Variants in CHL1 observed in about 807,000 individuals in gnomAD.
The protein encoded by CHL1 is cell adhesion molecule L1 like, also known as neural cell adhesion molecule L1-like protein.
Under a neutral mutation model 141.9 loss-of-function variants are expected in CHL1, and 96 were observed. That is an observed-to-expected ratio of 0.68 (90% CI 0.57 to 0.80). The LOEUF (loss-of-function observed/expected upper bound fraction) is 0.80. CHL1 is among the 30% of genes least tolerant of loss of function. The pLI is 0.00. For synonymous variants in CHL1, 613 were observed against 502.2 expected, an observed-to-expected ratio of 1.22 and a Z score of -2.95; for missense variants, 1,820 against 1,457.2, an observed-to-expected ratio of 1.25 and a Z score of -4.05.
chr3:324,122 A>G (rs1204314266), intron 3 of CHL1, among the ~76,000 whole-genome samples: 1 of 150,828 alleles, frequency 6.6e-6, no homozygotes, highest in Non-Finnish European at 1.5e-5. Context: ...GTAAGACTGC[A>G]AAAGAGTCCT....
chr3:325,266 G>A (rs952796245), intron 3 of CHL1, among the ~76,000 whole-genome samples: 3 of 151,680 alleles, frequency 2.0e-5, no homozygotes, highest in African/African-American at 7.3e-5. Context: ...GCATTCACTG[G>A]TGGCAAAAAT....
chr3:321,546 C>T (rs192484215), intron 3 of CHL1, among the ~76,000 whole-genome samples: 58 of 152,132 alleles, frequency 3.8e-4, no homozygotes, highest in African/African-American at 1.4e-3. Context: ...AACGAAGATG[C>T]CACTGAGATT....
intron 1 of CHL1, among the ~76,000 whole-genome samples, chr3:220,121 G>T (rs1353509878): frequency 6.6e-6 from 1 of 152,190 alleles, no homozygotes; most frequent in Non-Finnish European, 1.5e-5. Flanking sequence ...AAATTGAAGG[G>T]ATAGCAATAG....
intron 2 of CHL1, among the ~76,000 whole-genome samples, chr3:317,035 C>T (rs146918200): frequency 4.0e-4 from 61 of 152,160 alleles, no homozygotes; most frequent in Admixed American, 2.2e-3. Context: ...TTGGAGCTTT[C>T]ATCGTCAGCT....
intron 2 of CHL1, among the ~76,000 whole-genome samples, chr3:259,581 G>C (rs1365988831): frequency 5.3e-5 from 8 of 151,986 alleles, no homozygotes. Flanking sequence ...CCCATTGCTT[G>C]TTATCTCATC....
intron 2 of CHL1, among the ~76,000 whole-genome samples, chr3:250,118 C>T (rs967843977): frequency 6.6e-6 from 1 of 151,922 alleles, no homozygotes; most frequent in African/African-American, 2.4e-5. Context: ...AGGCATGCAT[C>T]ACCACACCTG....
At chr3:218,873 G>A (rs140676143) in intron 1 of CHL1, among the ~76,000 whole-genome samples, 1 of 152,146 alleles carries the variant, frequency 6.6e-6, no homozygotes, top group Non-Finnish European at 1.5e-5. Context: ...TAGGCCGGGC[G>A]CACTGGCTCA....
intron 2 of CHL1, among the ~76,000 whole-genome samples, chr3:312,284 T>C (rs1470337728): frequency 6.6e-6 from 1 of 152,196 alleles, no homozygotes; most frequent in African/African-American, 2.4e-5. Context: ...TCTGCAGGGA[T>C]GATGAGTTAA....
intron 2 of CHL1, among the ~76,000 whole-genome samples, chr3:299,978 G>C (rs542522513): frequency 6.2e-4 from 95 of 152,258 alleles, no homozygotes; most frequent in Non-Finnish European, 1.0e-3. Flanking sequence ...CTCCCTTGAA[G>C]GTTTTAGTAG....
intron 2 of CHL1, among the ~76,000 whole-genome samples, chr3:276,620 T>A (rs1269360185): frequency 1.3e-5 from 2 of 151,672 alleles, no homozygotes; most frequent in African/African-American, 4.8e-5. Context: ...CTGGGCACGG[T>A]GGCTCACACC....
intron 2 of CHL1, among the ~76,000 whole-genome samples, chr3:317,181 T>C (rs1700207919): frequency 1.3e-5 from 2 of 152,160 alleles, no homozygotes; most frequent in East Asian, 1.9e-4. Flanking sequence ...TTAGTCATTA[T>C]TCATATTCTG....
At chr3:226,525 C>T (rs1701368251) in intron 1 of CHL1, among the ~76,000 whole-genome samples, 1 of 151,434 alleles carries the variant, frequency 6.6e-6, no homozygotes, top group African/African-American at 2.4e-5. Flanking sequence ...CACTGCATCA[C>T]CGCAACCTCC....
At chr3:333,484 A>C (rs1419259838) in intron 5 of CHL1, among the ~76,000 whole-genome samples, 1 of 152,164 alleles carries the variant, frequency 6.6e-6, no homozygotes, top group Non-Finnish European at 1.5e-5. Flanking sequence ...CATTGCAGTT[A>C]AGTTTCCTAG....
intron 15 of CHL1, chr3:376,396 G>A (rs2125357241): frequency 3.9e-6 from 2 of 517,236 alleles, no homozygotes; most frequent in Non-Finnish European, 7.7e-6. Context: ...CCTGGACTGA[G>A]GCTGGAACAC....
At chr3:199,199 G>A (rs1322984649) in intron 1 of CHL1, among the ~76,000 whole-genome samples, 1 of 152,212 alleles carries the variant, frequency 6.6e-6, no homozygotes, top group East Asian at 1.9e-4. Context: ...AGAACGTAGT[G>A]TATAATCATT....
chr3:309,848 T>A (rs1699607707), intron 2 of CHL1, among the ~76,000 whole-genome samples: 1 of 152,182 alleles, frequency 6.6e-6, no homozygotes, highest in African/African-American at 2.4e-5. Context: ...TACTTTTAAA[T>A]GTAACTGTAA....
At chr3:206,959 G>A (rs910546308) in intron 1 of CHL1, among the ~76,000 whole-genome samples, 1 of 150,958 alleles carries the variant, frequency 6.6e-6, no homozygotes, top group Non-Finnish European at 1.5e-5. Context: ...AATAGAAATC[G>A]TTGGCAATGG....
chr3:250,608 C>T (rs1335062519), intron 2 of CHL1, among the ~76,000 whole-genome samples: 2 of 152,176 alleles, frequency 1.3e-5, no homozygotes, highest in Admixed American at 6.6e-5. Context: ...TCCTTTTAGG[C>T]CTATAGTGGG....
intron 2 of CHL1, among the ~76,000 whole-genome samples, chr3:305,766 A>G (rs1414252915): frequency 6.6e-6 from 1 of 151,768 alleles, no homozygotes; most frequent in South Asian, 2.1e-4. Flanking sequence ...TCTGGCAGGG[A>G]TGGGGAGAAG....
Sources: allele counts gnomAD v4.1 joint callset (sites outside exome capture counted in the v4.1 genomes callset), GRCh38; gene constraint gnomAD v4.1.1; transcripts MANE v1.5; gene names NCBI Gene and HGNC (gene_info 2026-07-23, HGNC 2026-07-21).